Variants in CD72 observed in about 807,000 individuals in gnomAD.
CD72 encodes the protein B-cell differentiation antigen CD72.
CD72 carries 28 observed loss-of-function variants against 50.7 expected under a neutral mutation model. The ratio of observed to expected loss-of-function variants is 0.55; its 90% confidence interval spans 0.41 to 0.76. The LOEUF (loss-of-function observed/expected upper bound fraction) is 0.76, where lower values mean the gene tolerates loss of function less well. Ranked by LOEUF, CD72 falls within the 30% of genes least tolerant of loss-of-function variation. The pLI is 0.00. For missense variants in CD72, 403 were observed against 420.6 expected (o/e 0.96, Z 0.37); for synonymous variants, 176 against 171.2 (o/e 1.03, Z -0.22).
chr9:35,618,803 G>A (rs766140545), upstream of CD72: 99 of 1,283,816 alleles, frequency 7.7e-5, no homozygotes, highest in Non-Finnish European at 9.7e-5. Flanking sequence ...GGGGGTTCCT[G>A]GTTTGCATCC....
chr9:35,622,972 T>C (rs1823159328), upstream of CD72, among the ~76,000 whole-genome samples: 1 of 152,128 alleles, frequency 6.6e-6, no homozygotes. Context: ...GCAGGTGTGA[T>C]GGCACATGCT....
chr9:35,624,873 T>C (rs1019601024), intron 1 of CD72, among the ~76,000 whole-genome samples: 25 of 152,244 alleles, frequency 1.6e-4, no homozygotes, highest in African/African-American at 5.3e-4. Flanking sequence ...GTCATTGTTT[T>C]GGAGCACCAT....
upstream of CD72, among the ~76,000 whole-genome samples, chr9:35,623,545 C>A (rs1227048175): frequency 6.6e-6 from 1 of 152,102 alleles, no homozygotes; most frequent in Non-Finnish European, 1.5e-5. Flanking sequence ...AGCAGGCAAA[C>A]CCCTGCTGAT....
At chr9:35,616,883 A>T in intron 3 of CD72, 194 bp from the exon 4 acceptor site, 1 of 1,119,872 alleles carries the variant, frequency 8.9e-7, no homozygotes, top group East Asian at 2.6e-5. Context: ...GTGTTCCAGA[A>T]TCAGTGCTGG....
chr9:35,631,564 G>C (rs1275610879), intron 1 of CD72, among the ~76,000 whole-genome samples: 2 of 152,146 alleles, frequency 1.3e-5, no homozygotes, highest in Non-Finnish European at 2.9e-5. Context: ...AAATCTTGGA[G>C]CCTTTCTTCG....
At chr9:35,611,026 T>C (rs1179356123) in intron 7 of CD72, among the ~76,000 whole-genome samples, 2 of 151,398 alleles carry the variant, frequency 1.3e-5, no homozygotes, top group Middle Eastern at 3.4e-3. Flanking sequence ...CCAAGGCGGG[T>C]GGATCACAAG....
chr9:35,646,573 G>C (rs12377368), exon 1 of CD72: 9,227 of 152,398 alleles, frequency 0.061, 354 homozygotes, highest in Middle Eastern at 0.11. Flanking sequence ...CGGAGACGAG[G>C]TAAGAAAACG....
upstream of CD72, chr9:35,618,735 C>A: frequency 7.9e-7 from 1 of 1,270,594 alleles, no homozygotes; most frequent in Non-Finnish European, 1.0e-6. Flanking sequence ...GCTGGAGCTG[C>A]ACTGACCCAG....
chr9:35,617,315 C>G, intron 2 of CD72, 68 bp from the exon 3 acceptor site: 1 of 1,480,044 alleles, frequency 6.8e-7, no homozygotes, highest in Non-Finnish European at 9.0e-7. Context: ...CCTGCGCACC[C>G]GCTTCGCCCT....
At chr9:35,615,895 C>T (rs910508851) in intron 5 of CD72, 48 bp downstream of exon 5, 1 of 1,481,306 alleles carries the variant, frequency 6.8e-7, no homozygotes, top group Non-Finnish European at 9.3e-7. Context: ...CTACTATCTC[C>T]TTGCTCCAAT....
intron 1 of CD72, among the ~76,000 whole-genome samples, chr9:35,632,527 T>C (rs935802717): frequency 6.6e-6 from 1 of 151,866 alleles, no homozygotes; most frequent in Non-Finnish European, 1.5e-5. Flanking sequence ...CTATTTAATC[T>C]TTCTCTCTTT....
chr9:35,616,667 G>T lies in CD72; in HGVS notation c.285C>A (p.Tyr95Ter). 1 of 1,613,794 alleles carries T rather than the reference G, an allele frequency of 6.2e-7. No individual in the cohort carries two copies. Among genetic ancestry groups the T allele is most frequent in the Non-Finnish European group, 8.5e-7 (1 of 1,179,980 alleles). Residue 95 changes from tyrosine to a stop codon, truncating the protein, a stop_gained, in exon 4 of 9, where the codon TAC becomes TAA. Coordinates refer to ENST00000259633, the MANE Select transcript of CD72 (RefSeq NM_001782.3). LOFTEE classifies it high-confidence loss of function. ...ILPCRTTCLRYLLLGLLLTCL... is the reference protein window; with the variant it reads ...ILPCRTTCLR The stretch of plus-strand genomic sequence containing the variant: ...AGGTGAGGAGCAGGCCGAGCAGGAG[G>T]TATCGCAGGCAGGTTGTGCGGCCTT...
At chr9:35,631,501 T>C (rs1028839286) in intron 1 of CD72, among the ~76,000 whole-genome samples, 1 of 152,242 alleles carries the variant, frequency 6.6e-6, no homozygotes, top group Non-Finnish European at 1.5e-5. Context: ...TCTTTTTCTT[T>C]TTTACTTAGA....
intron 1 of CD72, among the ~76,000 whole-genome samples, chr9:35,628,830 G>C (rs1823219112): frequency 1.3e-5 from 2 of 152,176 alleles, no homozygotes; most frequent in Non-Finnish European, 2.9e-5. Context: ...TTCCCCACTG[G>C]TTTTAAGCTC....
At chr9:35,639,057 A>AT (rs1325274323) in intron 1 of CD72, among the ~76,000 whole-genome samples, 17 of 139,900 alleles carry the variant, frequency 1.2e-4, no homozygotes, top group African/African-American at 4.5e-4. Flanking sequence ...TTTTACTTTT[A>AT]TTTTTTTAAT....
At chr9:35,630,498 A>G (rs1823235585) in intron 1 of CD72, among the ~76,000 whole-genome samples, 1 of 152,214 alleles carries the variant, frequency 6.6e-6, no homozygotes, top group Admixed American at 6.5e-5. Context: ...TTCTCTTCCC[A>G]AAAGGATATG....
In CD72 at chr9:35,618,063, G is replaced by A. The variant is rs765186212; in HGVS notation, c.141C>T (p.Val47=). ...AAGCCAAGCTTGAGGGCACCCCTAG[G>A]ACTGCGGGCACTTGAACATTCTCGT... ...ITYENVQVPA[V]LGVPSSLASS... Residue 47 remains valine, a synonymous_variant, in exon 2 of 9, where the codon GTC becomes GTT. Transcript: ENST00000259633. The A allele has an allele frequency of 5.0e-6, 8 of 1,613,932 alleles. No individual in the cohort carries two copies. Among genetic ancestry groups the A allele is most frequent in the African/African-American group, 1.3e-5 (1 of 74,918 alleles).
chr9:35,618,127 G>C lies in CD72; in HGVS notation c.83-6C>G, dbSNP rs749685780. 1 of 1,612,560 alleles carries C rather than the reference G, an allele frequency of 6.2e-7. No homozygotes were observed. Among genetic ancestry groups the C allele is most frequent in the South Asian group, 1.1e-5 (1 of 91,062 alleles). The stretch of plus-strand genomic sequence containing the variant: ...ATCATCATCAGCCCCTGGGTCTAGA[G>C]AGAAGAGAAAAGGGACCAAGGTGGG... On this transcript the variant is annotated splice_region_variant and splice_polypyrimidine_tract_variant and intron_variant, in intron 1 of 8. Transcript: ENST00000259633.
upstream of CD72, among the ~76,000 whole-genome samples, chr9:35,622,792 A>ATAATAATAAT (rs1554649024): frequency 6.6e-6 from 1 of 150,742 alleles, no homozygotes; most frequent in African/African-American, 2.5e-5. Context: ...GTCTCAAAAA[A>ATAATAATAAT]AATAATAATA....
Sources: allele counts gnomAD v4.1 joint callset (sites outside exome capture counted in the v4.1 genomes callset), GRCh38; gene constraint gnomAD v4.1.1; transcripts MANE v1.5; gene names NCBI Gene and HGNC (gene_info 2026-07-23, HGNC 2026-07-21).